The following PTBP3 variants were observed in gnomAD, a reference collection of about 807,000 sequenced individuals.
PTBP3 encodes the protein polypyrimidine tract binding protein 3, also known as polypyrimidine tract-binding protein 3.
A neutral mutation model predicts 58.7 loss-of-function variants in PTBP3; 20 were observed. That is an observed-to-expected ratio of 0.34 (90% CI 0.24 to 0.50). The LOEUF (loss-of-function observed/expected upper bound fraction) is 0.50, where lower values mean the gene tolerates loss of function less well. Among genes scored for constraint, PTBP3 ranks in the 20% least tolerant of loss-of-function variants. The pLI is 0.98. For missense variants in PTBP3, 509 were observed against 637.2 expected (o/e 0.80, Z 2.17); for synonymous variants, 185 against 219.8 (o/e 0.84, Z 1.40).
intron 7 of PTBP3, among the ~76,000 whole-genome samples, chr9:112,240,032 C>T (rs1478727489): frequency 6.6e-6 from 1 of 151,936 alleles, no homozygotes; most frequent in Non-Finnish European, 1.5e-5. Flanking sequence ...GGTTGGAACA[C>T]ACCTAATATG....
chr9:112,359,586 C>T, the PTBP3 span, among the ~76,000 whole-genome samples: 2 of 152,134 alleles, frequency 1.3e-5, no homozygotes, highest in Non-Finnish European at 2.9e-5. Flanking sequence ...GGTGGATCAC[C>T]TGAGGTCGGG....
chr9:112,361,293 T>C, the PTBP3 span, among the ~76,000 whole-genome samples: 1 of 152,072 alleles, frequency 6.6e-6, no homozygotes, highest in Non-Finnish European at 1.5e-5. Flanking sequence ...GATTCGGGGT[T>C]TCACCATGTT....
At chr9:112,260,247 T>C (rs574207883) in intron 5 of PTBP3, among the ~76,000 whole-genome samples, 3 of 152,198 alleles carry the variant, frequency 2.0e-5, no homozygotes, top group Non-Finnish European at 2.9e-5. Context: ...CCCTGTTCTA[T>C]TTAATGAGTA....
intron 9 of PTBP3, 75 bp downstream of exon 9, chr9:112,232,024 G>T: frequency 8.7e-6 from 3 of 345,374 alleles, no homozygotes; most frequent in Non-Finnish European, 1.2e-5. Flanking sequence ...GAGAAGAAAA[G>T]AAAAGAAAGA....
At chr9:112,364,869 G>C in the PTBP3 span, among the ~76,000 whole-genome samples, 3 of 151,990 alleles carry the variant, frequency 2.0e-5, no homozygotes, top group Non-Finnish European at 4.4e-5. Flanking sequence ...TCACTATGTT[G>C]TATATTAGAT....
the PTBP3 span, among the ~76,000 whole-genome samples, chr9:112,366,389 C>T: frequency 6.6e-6 from 1 of 152,024 alleles, no homozygotes; most frequent in African/African-American, 2.4e-5. Flanking sequence ...CCCCTCCCAT[C>T]ACAGGAGGAA....
the PTBP3 span, among the ~76,000 whole-genome samples, chr9:112,374,663 G>A: frequency 6.6e-6 from 1 of 152,186 alleles, no homozygotes. Flanking sequence ...TGAGCCCACT[G>A]CCACACTTCT....
the PTBP3 span, among the ~76,000 whole-genome samples, chr9:112,348,875 TC>T: frequency 6.6e-6 from 1 of 152,098 alleles, no homozygotes; most frequent in Non-Finnish European, 1.5e-5. Flanking sequence ...CGCAAACATC[TC>T]CAGGGCAGCA....
chr9:112,360,291 C>T, the PTBP3 span, among the ~76,000 whole-genome samples: 1 of 152,128 alleles, frequency 6.6e-6, no homozygotes, highest in African/African-American at 2.4e-5. Context: ...TCAAGCAGTG[C>T]TCCCACCTCA....
intron 8 of PTBP3, 61 bp downstream of exon 8, chr9:112,234,759 A>G (rs1240674899): frequency 2.1e-6 from 3 of 1,442,816 alleles, no homozygotes; most frequent in Non-Finnish European, 2.9e-6. Context: ...CATCTTGGTA[A>G]GTTCCTAGAA....
chr9:112,292,503 G>A (rs1332022490), intron 2 of PTBP3, among the ~76,000 whole-genome samples: 1 of 152,148 alleles, frequency 6.6e-6, no homozygotes, highest in Non-Finnish European at 1.5e-5. Context: ...ACTCACAATA[G>A]CACAATAGCT....
At chr9:112,319,266 A>G (rs1316137742) in intron 1 of PTBP3, among the ~76,000 whole-genome samples, 4 of 152,108 alleles carry the variant, frequency 2.6e-5, no homozygotes, top group Admixed American at 2.6e-4. Flanking sequence ...AGCCAGGAGC[A>G]GTAGCCCACA....
At chr9:112,247,445 T>A (rs183876238) in intron 7 of PTBP3, among the ~76,000 whole-genome samples, 2 of 151,828 alleles carry the variant, frequency 1.3e-5, no homozygotes, top group South Asian at 2.1e-4. Flanking sequence ...AGACATTATT[T>A]TCACAACTGG....
the PTBP3 span, among the ~76,000 whole-genome samples, chr9:112,342,449 GC>G: frequency 6.6e-6 from 1 of 152,220 alleles, no homozygotes; most frequent in Non-Finnish European, 1.5e-5. Flanking sequence ...GGACACAGTG[GC>G]TCACGCCTGT....
chr9:112,265,023 TATAATTAATGTGC>T (rs1412455780), intron 4 of PTBP3, among the ~76,000 whole-genome samples: 1 of 152,170 alleles, frequency 6.6e-6, no homozygotes, highest in African/African-American at 2.4e-5. Context: ...ATCAGAGTAA[TATAATTAATGTGC>T]ATAATTAATT....
chr9:112,255,509 T>C (rs768502618), intron 5 of PTBP3, among the ~76,000 whole-genome samples: 1 of 152,162 alleles, frequency 6.6e-6, no homozygotes, highest in Non-Finnish European at 1.5e-5. Flanking sequence ...GGGTGTAATA[T>C]AACAAATTGT....
chr9:112,370,514 C>A, the PTBP3 span, among the ~76,000 whole-genome samples: 12 of 152,196 alleles, frequency 7.9e-5, no homozygotes, highest in Middle Eastern at 3.4e-3. Context: ...GCATTCCAGA[C>A]TGGATGACAG....
At position 112,222,512 on chromosome 9, in the gene PTBP3, T is replaced by C. The variant is rs1834840516; in HGVS notation, c.*1339A>G. Reference sequence around the variant, plus strand: ...TGAGATTGCACTCTACAGCCCCAAATTGATATGCAATAACCCCTATCAGTC... The same window carrying C: ...TGAGATTGCACTCTACAGCCCCAAACTGATATGCAATAACCCCTATCAGTC... On this transcript the variant is annotated 3_prime_UTR_variant, in exon 14 of 14. Coordinates refer to ENST00000374257, the MANE Select transcript of PTBP3 (RefSeq NM_001163788.4). 3.7e-5 allele frequency: 36 copies of C among 985,610 alleles called. No individual in the cohort carries two copies. The highest frequency in any genetic ancestry group is 9.4e-5 in the South Asian group (2 of 21,286). The allele number at this position is 985,610 out of a possible 1,614,324, so 61.1% of individuals were successfully genotyped here.
the PTBP3 span, among the ~76,000 whole-genome samples, chr9:112,341,085 G>T: frequency 6.6e-6 from 1 of 151,734 alleles, no homozygotes; most frequent in Non-Finnish European, 1.5e-5. Flanking sequence ...TTCTTGTGGG[G>T]TTTTTTGTTT....
Sources: allele counts gnomAD v4.1 joint callset (sites outside exome capture counted in the v4.1 genomes callset), GRCh38; gene constraint gnomAD v4.1.1; transcripts MANE v1.5; gene names NCBI Gene and HGNC (gene_info 2026-07-23, HGNC 2026-07-21).